Variants in ZNF804B observed in about 807,000 individuals in gnomAD.
ZNF804B encodes zinc finger 804B.
In ZNF804B, 80 loss-of-function variants were observed where a neutral mutation model predicts 101.4. The observed-to-expected ratio is 0.79, with a 90% confidence interval of 0.66 to 0.95. The LOEUF (loss-of-function observed/expected upper bound fraction) is 0.95. Among genes scored for constraint, ZNF804B ranks in the 40% least tolerant of loss-of-function variants. ZNF804B has a pLI of 0.00. For missense variants in ZNF804B, 1,673 were observed against 1,561.9 expected (o/e 1.07, Z -1.20); for synonymous variants, 622 against 558.8 (o/e 1.11, Z -1.59).
intron 2 of ZNF804B, among the ~76,000 whole-genome samples, chr7:89,237,102 C>T (rs1235091229): frequency 1.3e-5 from 2 of 151,264 alleles, no homozygotes; most frequent in African/African-American, 4.9e-5. Flanking sequence ...ATATCTCACC[C>T]AGAAGAAAAA....
At chr7:89,075,460 C>T (rs367903360) in intron 1 of ZNF804B, among the ~76,000 whole-genome samples, 2 of 152,150 alleles carry the variant, frequency 1.3e-5, no homozygotes, top group African/African-American at 4.8e-5. Flanking sequence ...TGGCAGCTTC[C>T]ATGTGGTGTT....
intron 2 of ZNF804B, among the ~76,000 whole-genome samples, chr7:89,220,830 G>A (rs1788994202): frequency 6.6e-6 from 1 of 151,776 alleles, no homozygotes; most frequent in African/African-American, 2.4e-5. Flanking sequence ...TTAATCTATA[G>A]GTTTTTCCAT....
chr7:88,926,278 T>A (rs1244605253), intron 1 of ZNF804B, among the ~76,000 whole-genome samples: 1 of 151,970 alleles, frequency 6.6e-6, no homozygotes, highest in Non-Finnish European at 1.5e-5. Flanking sequence ...TTAATTCTGT[T>A]CTGTTCTTTT....
At chr7:89,101,679 T>A (rs1790057275) in intron 1 of ZNF804B, among the ~76,000 whole-genome samples, 1 of 152,016 alleles carries the variant, frequency 6.6e-6, no homozygotes, top group African/African-American at 2.4e-5. Flanking sequence ...ACACTTAATT[T>A]ATATATGATA....
At chr7:89,013,373 A>T (rs944777322) in intron 1 of ZNF804B, among the ~76,000 whole-genome samples, 1 of 152,220 alleles carries the variant, frequency 6.6e-6, no homozygotes, top group African/African-American at 2.4e-5. Context: ...GAGATATTGA[A>T]TCTACCAGCA....
At chr7:89,278,058 G>A (rs1418830120) in intron 2 of ZNF804B, among the ~76,000 whole-genome samples, 1 of 152,176 alleles carries the variant, frequency 6.6e-6, no homozygotes, top group African/African-American at 2.4e-5. Context: ...GGTGTAAGAT[G>A]ATATCTCATT....
At chr7:88,898,073 C>CTTTTTTTT (rs869050718) in intron 1 of ZNF804B, among the ~76,000 whole-genome samples, 4 of 56,594 alleles carry the variant, frequency 7.1e-5, no homozygotes, top group South Asian at 7.9e-4. Context: ...ACTTCTCCAT[C>CTTTTTTTT]TTTTTTTTTT....
chr7:89,182,229 A>G (rs1584037246), intron 1 of ZNF804B, among the ~76,000 whole-genome samples: 1 of 152,204 alleles, frequency 6.6e-6, no homozygotes, highest in East Asian at 1.9e-4. Context: ...TAAAATTGAG[A>G]TGCCATGTAA....
chr7:89,056,456 A>C (rs560954100), intron 1 of ZNF804B, among the ~76,000 whole-genome samples: 21 of 152,116 alleles, frequency 1.4e-4, no homozygotes, highest in Admixed American at 9.2e-4. Context: ...GTCTTCTTAG[A>C]GCTTATGATG....
chr7:89,279,288 T>C lies in ZNF804B; in HGVS notation c.250-48056T>C, dbSNP rs200380366. 7.4e-3 allele frequency among the ~76,000 whole-genome samples: 1,122 copies of C among 151,820 alleles called. 19 individuals are homozygous for C. Among genetic ancestry groups the C allele is most frequent in the East Asian group, 0.051 (262 of 5,144 alleles). On this transcript the variant is annotated intron_variant, in intron 2 of 3. Coordinates refer to ENST00000333190, the MANE Select transcript of ZNF804B (RefSeq NM_181646.5). Reference sequence around the variant, plus strand: ...GGGTTTTCTAGATATACAATCATGTTGTCTGCAAACAGGGACAATTTGACT... The same window carrying C: ...GGGTTTTCTAGATATACAATCATGTCGTCTGCAAACAGGGACAATTTGACT...
At chr7:88,873,045 A>G (rs1452312040) in intron 1 of ZNF804B, among the ~76,000 whole-genome samples, 1 of 151,898 alleles carries the variant, frequency 6.6e-6, no homozygotes, top group Non-Finnish European at 1.5e-5. Flanking sequence ...GAATCGCCAC[A>G]CTGACTTCCA....
At chr7:88,865,058 G>A (rs188826515) in intron 1 of ZNF804B, among the ~76,000 whole-genome samples, 14 of 151,556 alleles carry the variant, frequency 9.2e-5, no homozygotes, top group Admixed American at 3.3e-4. Context: ...GAGAAACCCC[G>A]TCTCTACTAA....
intron 2 of ZNF804B, among the ~76,000 whole-genome samples, chr7:89,289,351 A>T (rs1790252960): frequency 6.6e-6 from 1 of 152,084 alleles, no homozygotes; most frequent in Admixed American, 6.5e-5. Flanking sequence ...ACGCAAAAAA[A>T]AACCAACAAA....
chr7:88,853,154 A>G (rs1004464245), intron 1 of ZNF804B, among the ~76,000 whole-genome samples: 6 of 152,238 alleles, frequency 3.9e-5, no homozygotes, highest in Admixed American at 2.0e-4. Flanking sequence ...AAAATATCCA[A>G]TCATCTGGAG....
At chr7:89,134,778 C>A (rs774658620) in intron 1 of ZNF804B, among the ~76,000 whole-genome samples, 3 of 151,858 alleles carry the variant, frequency 2.0e-5, no homozygotes, top group Non-Finnish European at 4.4e-5. Flanking sequence ...ATATAATAAC[C>A]CATATTTTAT....
At chr7:89,018,224 A>T (rs1788602460) in intron 1 of ZNF804B, among the ~76,000 whole-genome samples, 1 of 152,034 alleles carries the variant, frequency 6.6e-6, no homozygotes, top group Non-Finnish European at 1.5e-5. Flanking sequence ...TTTTGTTATA[A>T]ACAGATTTTA....
chr7:89,085,907 A>G (rs1222008456), intron 1 of ZNF804B, among the ~76,000 whole-genome samples: 1 of 151,970 alleles, frequency 6.6e-6, no homozygotes, highest in African/African-American at 2.4e-5. Flanking sequence ...TAATAGAGTG[A>G]TATTTAGATT....
intron 1 of ZNF804B, among the ~76,000 whole-genome samples, chr7:89,213,615 G>T (rs1203702253): frequency 6.6e-6 from 1 of 152,148 alleles, no homozygotes; most frequent in Non-Finnish European, 1.5e-5. Context: ...CTTCCTGGGA[G>T]TTAACTGCTC....
chr7:89,102,406 C>A (rs1790069035), intron 1 of ZNF804B, among the ~76,000 whole-genome samples: 1 of 151,698 alleles, frequency 6.6e-6, no homozygotes, highest in Non-Finnish European at 1.5e-5. Flanking sequence ...AAAATGATAT[C>A]TCAGTATAGA....
Sources: allele counts gnomAD v4.1 joint callset (sites outside exome capture counted in the v4.1 genomes callset), GRCh38; gene constraint gnomAD v4.1.1; transcripts MANE v1.5; gene names NCBI Gene and HGNC (gene_info 2026-07-23, HGNC 2026-07-21).